The following CCDC125 variants were observed in gnomAD, a reference collection of about 807,000 sequenced individuals.
CCDC125 encodes the protein coiled-coil domain-containing protein 125.
A neutral mutation model predicts 57.4 loss-of-function variants in CCDC125; 43 were observed. The observed-to-expected ratio is 0.75, with a 90% CI of 0.59 to 0.97. The LOEUF (loss-of-function observed/expected upper bound fraction) is 0.97, where lower values mean the gene tolerates loss of function less well. Among genes scored for constraint, CCDC125 ranks in the 50% least tolerant of loss-of-function variants. CCDC125 has a pLI of 0.00. For synonymous variants in CCDC125, 187 were observed against 195.2 expected (o/e 0.96, Z 0.35); for missense variants, 563 against 595.7 (o/e 0.95, Z 0.57).
chr5:69,303,894 A>G lies in CCDC125; in HGVS notation c.653T>C (p.Leu218Ser). 1 of 1,608,414 alleles carries G rather than the reference A, an allele frequency of 6.2e-7. No individual in the cohort carries two copies. The highest frequency in any genetic ancestry group is 1.1e-5 in the South Asian group (1 of 89,772). ...TTTAATTTCTTCTGTTTTCACTTTC[A>G]AATTCTCTTTGAGGACTGCATTTTC... The part of the protein sequence containing the change: ...NCENAVLKEN[L>S]KVKTEEIKML... Residue 218 changes from leucine (L) to serine (S), a missense_variant, in exon 7 of 12, where the codon TTG (leucine) becomes TCG (serine). Leu to Ser is a moderately radical substitution (Grantham distance 145). Transcript: ENST00000396496.
At chr5:69,317,144 G>C (rs1442157097) in intron 2 of CCDC125, among the ~76,000 whole-genome samples, 1 of 152,056 alleles carries the variant, frequency 6.6e-6, no homozygotes, top group Non-Finnish European at 1.5e-5. Context: ...AAGTAGCTGG[G>C]ATTACAGGCA....
chr5:69,327,268 G>A (rs997971894), intron 1 of CCDC125, among the ~76,000 whole-genome samples: 3 of 151,746 alleles, frequency 2.0e-5, no homozygotes, highest in Non-Finnish European at 4.4e-5. Context: ...CTAATTTTTT[G>A]TATTTTTAGT....
downstream of CCDC125, chr5:69,277,022 C>A: frequency 1.8e-6 from 2 of 1,118,060 alleles, no homozygotes; most frequent in Non-Finnish European, 2.6e-6. Context: ...AGTTGGAATG[C>A]AGTGACTGGT....
intron 7 of CCDC125, among the ~76,000 whole-genome samples, chr5:69,302,666 A>G (rs1756681062): frequency 6.6e-6 from 1 of 151,874 alleles, no homozygotes; most frequent in South Asian, 2.1e-4. Flanking sequence ...CGGAGGTTGC[A>G]GTGAGCTAAG....
downstream of CCDC125, among the ~76,000 whole-genome samples, chr5:69,280,011 T>C (rs1752388704): frequency 6.6e-6 from 1 of 152,070 alleles, no homozygotes; most frequent in Non-Finnish European, 1.5e-5. Flanking sequence ...TCGTGAGAAC[T>C]CACAATCATG....
chr5:69,274,730 C>T, the CCDC125 span, among the ~76,000 whole-genome samples: 1 of 152,056 alleles, frequency 6.6e-6, no homozygotes, highest in Non-Finnish European at 1.5e-5. Flanking sequence ...ATTCTCCTGT[C>T]TCAGCCTCCC....
At chr5:69,298,363 T>A (rs1286443203) in intron 8 of CCDC125, among the ~76,000 whole-genome samples, 2 of 152,178 alleles carry the variant, frequency 1.3e-5, no homozygotes, top group Non-Finnish European at 2.9e-5. Flanking sequence ...TACAATCCTT[T>A]TTAAGAGGCT....
At chr5:69,300,923 G>C (rs1468084981) in intron 7 of CCDC125, among the ~76,000 whole-genome samples, 1 of 149,044 alleles carries the variant, frequency 6.7e-6, no homozygotes. Context: ...ACAGAGTCTT[G>C]CTCTGTCACT....
intron 11 of CCDC125, among the ~76,000 whole-genome samples, chr5:69,284,614 A>T (rs756573985): frequency 2.0e-5 from 3 of 152,164 alleles, no homozygotes; most frequent in Non-Finnish European, 2.9e-5. Flanking sequence ...GGAGATAAAG[A>T]TCATGAAGGT....
rs879833603 is a variant in CCDC125, at chr5:69,331,342, C to G, written c.-41+1307G>C. 5.9e-5 allele frequency among the ~76,000 whole-genome samples: 9 copies of G among 151,990 alleles called. No homozygotes were observed. The East Asian group carries it at 1.4e-3, about 24-fold the overall frequency. On this transcript the variant is annotated intron_variant, in intron 1 of 11. Transcript: ENST00000396496. ...AGACCTCCTGGGTTCAAGCGATTCT[C>G]CTGCCTCAGCCTCCCCAGTAGCGGA...
intron 9 of CCDC125, among the ~76,000 whole-genome samples, chr5:69,292,611 C>T (rs1216125583): frequency 1.3e-5 from 2 of 152,154 alleles, no homozygotes; most frequent in Non-Finnish European, 2.9e-5. Flanking sequence ...CTGGACCTCA[C>T]TACCCCATGC....
At position 69,285,343 on chromosome 5, in the gene CCDC125, T is replaced by C. The variant is rs201978426; in HGVS notation, c.1224A>G (p.Ile408Met). 1 of 1,609,118 alleles carries C rather than the reference T, an allele frequency of 6.2e-7. No individual in the cohort carries two copies. Among genetic ancestry groups the C allele is most frequent in the East Asian group, 2.2e-5 (1 of 44,752 alleles). ...AAAAAGCAAAGACACTAACCAAATCTATGAGCATCTTAAGGACCTCTTGAG... is the reference window on the plus strand; with the variant it reads ...AAAAAGCAAAGACACTAACCAAATCCATGAGCATCTTAAGGACCTCTTGAG... ...DSPQEVLKML[I>M]DLLNDKEEAL... The change falls in exon 11 of 12, where the codon ATA becomes ATG. Residue 408 changes from isoleucine to methionine, a missense_variant. Coordinates refer to ENST00000396496, the MANE Select transcript of CCDC125 (RefSeq NM_176816.5).
intron 5 of CCDC125, among the ~76,000 whole-genome samples, chr5:69,307,380 T>A (rs13174402): frequency 0.34 from 51,225 of 150,232 alleles, 9,015 homozygotes; most frequent in East Asian, 0.49. Context: ...AAAAAAAAAA[T>A]TTTTTTTAAG....
At chr5:69,331,900 T>G (rs754267117) in intron 1 of CCDC125, among the ~76,000 whole-genome samples, 4 of 152,248 alleles carry the variant, frequency 2.6e-5, no homozygotes, top group Non-Finnish European at 4.4e-5. Context: ...TTAATAGTGC[T>G]TACTTCCTAC....
chr5:69,331,961 G>A (rs1057195711), intron 1 of CCDC125, among the ~76,000 whole-genome samples: 1 of 152,166 alleles, frequency 6.6e-6, no homozygotes, highest in Non-Finnish European at 1.5e-5. Flanking sequence ...TGTGTGTCTC[G>A]TTTGCTTATG....
Position 69,306,119 on chromosome 5 carries a change from A to C in CCDC125, c.617+698T>G, listed in dbSNP as rs138183176. On this transcript the variant is annotated intron_variant, in intron 6 of 11. Transcript: ENST00000396496. ...CTTTTTTTTTTTTAACAAGATGAGG[A>C]TCTTGCTATGTCATCTAGGCTGGTT... Among the ~76,000 whole-genome samples the C allele has an allele frequency of 9.2e-3, 1,378 of 150,324 alleles. 25 individuals carry two copies. The highest frequency in any genetic ancestry group is 0.033 in the African/African-American group (1,330 of 40,902).
chr5:69,330,026 A>G (rs893638861), intron 1 of CCDC125, among the ~76,000 whole-genome samples: 1 of 152,170 alleles, frequency 6.6e-6, no homozygotes, highest in African/African-American at 2.4e-5. Context: ...TTCCTCATAG[A>G]TAAATCCAAG....
At chr5:69,328,362 T>C (rs1191085262) in intron 1 of CCDC125, among the ~76,000 whole-genome samples, 2 of 152,130 alleles carry the variant, frequency 1.3e-5, no homozygotes, top group African/African-American at 4.8e-5. Flanking sequence ...GTTTAACAAC[T>C]TTATAAAATA....
intron 1 of CCDC125, among the ~76,000 whole-genome samples, chr5:69,329,066 T>G (rs1234882752): frequency 6.6e-6 from 1 of 152,218 alleles, no homozygotes; most frequent in African/African-American, 2.4e-5. Context: ...GTGCTGGGAT[T>G]AGAGGCGTGA....
Sources: gnomAD v4.1 joint callset for allele counts (sites outside exome capture counted in the v4.1 genomes callset) on GRCh38, gnomAD v4.1.1 for gene constraint, MANE v1.5 for transcripts, NCBI Gene and HGNC (gene_info 2026-07-23, HGNC 2026-07-21) for gene names.